Variants in CDH2 observed in about 807,000 individuals in gnomAD.
CDH2 encodes the protein cadherin 2.
A neutral mutation model predicts 92.0 loss-of-function variants in CDH2; 17 were observed. The ratio of observed to expected loss-of-function variants is 0.18; its 90% CI spans 0.13 to 0.28. The LOEUF (loss-of-function observed/expected upper bound fraction) is 0.28. Ranked by LOEUF, CDH2 falls within the 10% of genes least tolerant of loss-of-function variation. CDH2 has a pLI of 1.00. For missense variants in CDH2, 862 were observed against 1,133.1 expected, an observed-to-expected ratio of 0.76 and a Z score of 3.44; for synonymous variants, 419 against 415.9, an observed-to-expected ratio of 1.01 and a Z score of -0.09.
chr18:28,002,787 T>C (rs547929179), intron 7 of CDH2, among the ~76,000 whole-genome samples: 114 of 152,260 alleles, frequency 7.5e-4, no homozygotes, highest in Admixed American at 1.2e-3. Context: ...AAAAACTACA[T>C]AGGCTAGCAT....
At position 28,084,576 on chromosome 18, in the gene CDH2, TA is replaced by T. The variant is rs916472427; in HGVS notation, c.172+63096del. 4.0e-3 allele frequency among the ~76,000 whole-genome samples: 561 copies of T among 141,656 alleles called. 4 individuals carry two copies. The highest frequency in any genetic ancestry group is 0.012 in the African/African-American group (480 of 38,766). 92.9% of individuals were successfully genotyped at this position (141,656 alleles called of 152,430 possible). Reference sequence around the variant, plus strand: ...CTTGGAAGTAACATGCAGTGCAAAATAAAAAAAAAAGGATACACACACACAC... The same window carrying T: ...CTTGGAAGTAACATGCAGTGCAAAATAAAAAAAAAGGATACACACACACAC... On this transcript the variant is annotated intron_variant, in intron 2 of 15. Transcript: ENST00000269141.
intron 2 of CDH2, among the ~76,000 whole-genome samples, chr18:28,015,818 C>A (rs1293480122): frequency 2.6e-5 from 4 of 152,186 alleles, no homozygotes; most frequent in Non-Finnish European, 4.4e-5. Flanking sequence ...CTCCTCCCTG[C>A]TTAAAATCTG....
At chr18:27,943,955 G>A (rs762942950) in intron 6 of CDH2, among the ~76,000 whole-genome samples, 5 of 152,144 alleles carry the variant, frequency 3.3e-5, no homozygotes, top group African/African-American at 9.7e-5. Context: ...AAACATTTCC[G>A]TCAGTCTGTG....
intron 15 of CDH2, among the ~76,000 whole-genome samples, chr18:27,962,097 C>T (rs140538110): frequency 1.3e-5 from 2 of 152,300 alleles, no homozygotes; most frequent in Admixed American, 6.5e-5. Flanking sequence ...GGCACTCTTA[C>T]ATTTTTCTAA....
chr18:28,057,487 G>A (rs980474436), intron 2 of CDH2, among the ~76,000 whole-genome samples: 3 of 152,100 alleles, frequency 2.0e-5, no homozygotes, highest in African/African-American at 4.8e-5. Context: ...TCAATGTGGT[G>A]AAATCCTGTC....
In CDH2 at chr18:28,003,867, T is replaced by C. The variant is rs17522471; in HGVS notation, c.848-698A>G. Among the ~76,000 whole-genome samples the C allele has an allele frequency of 1.9e-3, 287 of 152,338 alleles. 3 individuals are homozygous for C. Among genetic ancestry groups the C allele is most frequent in the African/African-American group, 6.5e-3 (269 of 41,570 alleles). On this transcript the variant is annotated intron_variant, in intron 6 of 15. Coordinates refer to ENST00000269141, the MANE Select transcript of CDH2 (RefSeq NM_001792.5). ...CAAACTAGCTAGACACTCTGTAATT[T>C]AGAAGTAGAGTGAGAAGTAGTTACT... is the stretch of plus-strand genomic sequence containing the variant.
chr18:28,049,739 C>G (rs1013266994), intron 2 of CDH2, among the ~76,000 whole-genome samples: 2 of 152,242 alleles, frequency 1.3e-5, no homozygotes, highest in Non-Finnish European at 2.9e-5. Context: ...GACCTAGTCA[C>G]TGCTGTTAGA....
intron 2 of CDH2, among the ~76,000 whole-genome samples, chr18:28,141,137 G>GA (rs936892968): frequency 5.9e-5 from 9 of 151,572 alleles, no homozygotes; most frequent in Admixed American, 6.6e-5. Context: ...AAAAGTTAAA[G>GA]AAAAAATTAA....
At chr18:27,985,291 A>G in intron 12 of CDH2, 58 bp from the exon 13 acceptor site, 1 of 1,001,152 alleles carries the variant, frequency 1.0e-6, no homozygotes, top group Non-Finnish European at 1.5e-6. Context: ...ATAAAAAAAC[A>G]CATAGCATTG....
chr18:28,066,485 T>C (rs575763660), intron 2 of CDH2, among the ~76,000 whole-genome samples: 2 of 152,266 alleles, frequency 1.3e-5, no homozygotes, highest in East Asian at 1.9e-4. Context: ...TGGAATTGTA[T>C]TGACAACCCC....
intron 2 of CDH2, among the ~76,000 whole-genome samples, chr18:28,145,262 C>T (rs939899596): frequency 6.6e-6 from 1 of 152,022 alleles, no homozygotes; most frequent in African/African-American, 2.4e-5. Context: ...AGTTACGATT[C>T]CAACAGGGTC....
At chr18:28,084,545 A>C (rs1272929185) in intron 2 of CDH2, among the ~76,000 whole-genome samples, 1 of 151,982 alleles carries the variant, frequency 6.6e-6, no homozygotes, top group Non-Finnish European at 1.5e-5. Context: ...AAGAAAGGGA[A>C]TAGTACTTGG....
At chr18:28,038,422 A>AGT (rs57601293) in intron 2 of CDH2, among the ~76,000 whole-genome samples, 41,654 of 141,984 alleles carry the variant, frequency 0.29, 6,408 homozygotes, top group Middle Eastern at 0.37. Context: ...CCTTGTCTCA[A>AGT]GTGTGTGTGT....
intron 14 of CDH2, among the ~76,000 whole-genome samples, chr18:27,979,194 T>G (rs1220154): frequency 4.6e-5 from 7 of 151,780 alleles, no homozygotes; most frequent in Non-Finnish European, 5.9e-5. Flanking sequence ...AATAGAAAAG[T>G]AGACAAACAG....
At chr18:28,063,409 C>G (rs986541957) in intron 2 of CDH2, among the ~76,000 whole-genome samples, 3 of 152,118 alleles carry the variant, frequency 2.0e-5, no homozygotes, top group Non-Finnish European at 4.4e-5. Flanking sequence ...TGAGAAGAGA[C>G]GGTTCCTTTG....
In CDH2 at chr18:28,009,707, G is replaced by C. The variant is rs767811190; in HGVS notation, c.702+10C>G. The C allele has an allele frequency of 8.7e-6, 14 of 1,612,812 alleles. No homozygotes were observed. The highest frequency in any genetic ancestry group is 1.7e-4 in the Middle Eastern group (1 of 5,928). On this transcript the variant is annotated intron_variant, in intron 5 of 15. Transcript: ENST00000269141. The stretch of plus-strand genomic sequence containing the variant: ...TAATACACAGAATTATCAGCTGGTT[G>C]GAATCTTACATGAAACCGGGCTATC...
chr18:28,012,953 T>G (rs1396347580), intron 3 of CDH2, among the ~76,000 whole-genome samples: 1 of 152,192 alleles, frequency 6.6e-6, no homozygotes. Flanking sequence ...CCATAGTTCA[T>G]GGACTTCAGA....
At chr18:27,944,754 TAAAAAAAAAAA>T (rs869217652) in intron 6 of CDH2, among the ~76,000 whole-genome samples, 145 of 83,570 alleles carry the variant, frequency 1.7e-3, no homozygotes, top group Non-Finnish European at 2.6e-3. Context: ...ACTTCCTTTC[TAAAAAAAAAAA>T]AAAAAAAAAA....
intron 2 of CDH2, among the ~76,000 whole-genome samples, chr18:28,038,945 ATACTT>A (rs1365306987): frequency 6.6e-6 from 1 of 152,154 alleles, no homozygotes; most frequent in African/African-American, 2.4e-5. Flanking sequence ...TGAATGCAAA[ATACTT>A]TACAGCTTCT....
Sources: gnomAD v4.1 joint callset for allele counts (sites outside exome capture counted in the v4.1 genomes callset) on GRCh38, gnomAD v4.1.1 for gene constraint, MANE v1.5 for transcripts, NCBI Gene and HGNC (gene_info 2026-07-23, HGNC 2026-07-21) for gene names.